Variants in DPP10 observed in about 807,000 individuals in gnomAD.
DPP10 encodes inactive dipeptidyl peptidase 10.
In DPP10, 33 loss-of-function variants were observed where a neutral mutation model predicts 120.9. The observed-to-expected ratio is 0.27, with a 90% CI of 0.21 to 0.37. The LOEUF is 0.37. DPP10 is among the 10% of genes least tolerant of loss of function. The pLI, the probability that DPP10 is intolerant of heterozygous loss-of-function variation, is 1.00. For synonymous variants in DPP10, 337 were observed against 326.1 expected, an observed-to-expected ratio of 1.03 and a Z score of -0.36; for missense variants, 816 against 942.8, an observed-to-expected ratio of 0.87 and a Z score of 1.76.
At position 114,755,518 on chromosome 2, in the gene DPP10, T is replaced by A. The variant is rs1679644715; in HGVS notation, c.60+312680T>A. ...TCTGAACTTCTGTTTTAGGTACTTA[T>A]AATCTAATGGAAGAAAGATGATAAT... is the stretch of plus-strand genomic sequence containing the variant. On this transcript the variant is annotated intron_variant, in intron 1 of 25. Coordinates refer to ENST00000410059, the MANE Select transcript of DPP10 (RefSeq NM_020868.6). Among the ~76,000 whole-genome samples, 3 of 152,228 alleles carry A rather than the reference T, an allele frequency of 2.0e-5. No homozygotes were observed. The South Asian group carries it at 6.2e-4, about 32-fold the overall frequency.
intron 1 of DPP10, among the ~76,000 whole-genome samples, chr2:114,898,285 G>C (rs1365292629): frequency 6.6e-6 from 1 of 151,832 alleles, no homozygotes; most frequent in African/African-American, 2.4e-5. Context: ...ACTCGTAGAT[G>C]GGAATTGAAC....
intron 1 of DPP10, among the ~76,000 whole-genome samples, chr2:114,517,023 A>AT (rs1010496799): frequency 2.3e-4 from 35 of 149,676 alleles, no homozygotes; most frequent in African/African-American, 5.4e-4. Flanking sequence ...CTCTAAATGC[A>AT]TTTTTTTTTT....
At chr2:115,811,911 T>C (rs955873165) in intron 19 of DPP10, among the ~76,000 whole-genome samples, 1 of 152,334 alleles carries the variant, frequency 6.6e-6, no homozygotes, top group African/African-American at 2.4e-5. Flanking sequence ...CATTTTTAAG[T>C]GTAACTCAAA....
chr2:115,681,030 G>T (rs749610688), intron 5 of DPP10, among the ~76,000 whole-genome samples: 24 of 151,790 alleles, frequency 1.6e-4, no homozygotes, highest in Non-Finnish European at 4.4e-5. Context: ...GTTTTTCCTT[G>T]AAATAATTTA....
At chr2:114,474,069 C>G (rs1214873276) in intron 1 of DPP10, among the ~76,000 whole-genome samples, 2 of 152,022 alleles carry the variant, frequency 1.3e-5, no homozygotes, top group Admixed American at 6.6e-5. Flanking sequence ...GCTATTCTCC[C>G]GCCTCAGCCT....
intron 3 of DPP10, among the ~76,000 whole-genome samples, chr2:115,436,412 A>G (rs1377822759): frequency 1.3e-5 from 2 of 151,492 alleles, no homozygotes; most frequent in African/African-American, 4.8e-5. Flanking sequence ...TTTTTTTTTA[A>G]TTATCAGGTA....
chr2:115,534,433 C>T (rs1346401767), intron 5 of DPP10, among the ~76,000 whole-genome samples: 23 of 151,052 alleles, frequency 1.5e-4, no homozygotes, highest in African/African-American at 5.1e-4. Context: ...CTACAAAGGA[C>T]ATGAACTCAT....
At chr2:115,643,445 C>G (rs1174847032) in intron 5 of DPP10, among the ~76,000 whole-genome samples, 1 of 152,038 alleles carries the variant, frequency 6.6e-6, no homozygotes, top group African/African-American at 2.4e-5. Flanking sequence ...AAGGGTCTAC[C>G]TGTATAGACT....
chr2:114,690,415 G>T (rs1699660265), intron 1 of DPP10, among the ~76,000 whole-genome samples: 1 of 151,950 alleles, frequency 6.6e-6, no homozygotes, highest in African/African-American at 2.4e-5. Context: ...TTATTTCTGA[G>T]TTCTTCATTC....
chr2:114,732,930 G>T (rs1235020656), intron 1 of DPP10, among the ~76,000 whole-genome samples: 1 of 152,158 alleles, frequency 6.6e-6, no homozygotes, highest in African/African-American at 2.4e-5. Context: ...GTATGAGTTA[G>T]AGCTGAGATA....
rs572992093 is a variant in DPP10 at position 115,691,212 on chromosome 2, C to T, written c.576+1291C>T. On this transcript the variant is annotated intron_variant, in intron 7 of 25. Transcript: ENST00000410059. Reference sequence around the variant, plus strand: ...AGTTTTCGGATTTACTTCTCACTCTCTTAATGGATCCATTTCTACAAACAT... The same window carrying T: ...AGTTTTCGGATTTACTTCTCACTCTTTTAATGGATCCATTTCTACAAACAT... 2.0e-5 allele frequency among the ~76,000 whole-genome samples: 3 copies of T among 152,062 alleles called. No individual in the cohort carries two copies. In the South Asian group the frequency reaches 6.2e-4, roughly 31 times the overall value.
At chr2:115,505,029 C>A (rs1037203) in intron 4 of DPP10, among the ~76,000 whole-genome samples, 31,712 of 151,872 alleles carry the variant, frequency 0.21, 3,878 homozygotes, top group East Asian at 0.39. Context: ...TTTTTACCCT[C>A]AATTACCATT....
rs374869535 is a variant in DPP10 at position 114,979,534 on chromosome 2, A to T, written c.61-329705A>T. Among the ~76,000 whole-genome samples, 12 of 152,152 alleles carry T rather than the reference A, an allele frequency of 7.9e-5. No homozygotes were observed. In the East Asian group the frequency reaches 2.3e-3, roughly 29 times the overall value. Reference sequence around the variant, plus strand: ...CACTAGTTGAGTGAAGATATTTGATATTTAGTGGGAATTACTAAACAATCT... The same window carrying T: ...CACTAGTTGAGTGAAGATATTTGATTTTTAGTGGGAATTACTAAACAATCT... On this transcript the variant is annotated intron_variant, in intron 1 of 25. Transcript: ENST00000410059.
At chr2:115,123,897 C>A (rs1316393789) in intron 1 of DPP10, among the ~76,000 whole-genome samples, 1 of 151,776 alleles carries the variant, frequency 6.6e-6, no homozygotes, top group Non-Finnish European at 1.5e-5. Flanking sequence ...TTTATTACCG[C>A]ACCCAACAGG....
At chr2:114,583,887 T>G (rs1312657160) in intron 1 of DPP10, among the ~76,000 whole-genome samples, 1 of 152,200 alleles carries the variant, frequency 6.6e-6, no homozygotes, top group African/African-American at 2.4e-5. Flanking sequence ...TATGAATCCT[T>G]GCTTAATATA....
intron 1 of DPP10, among the ~76,000 whole-genome samples, chr2:115,004,536 C>A (rs574406554): frequency 6.6e-6 from 1 of 152,126 alleles, no homozygotes; most frequent in Non-Finnish European, 1.5e-5. Context: ...CAAAGCAGGG[C>A]GAGGCATTGC....
chr2:115,753,085 T>C, intron 10 of DPP10, 89 bp from the exon 11 acceptor site: 3 of 1,237,552 alleles, frequency 2.4e-6, no homozygotes, highest in Non-Finnish European at 3.3e-6. Context: ...GTTCAGTTAT[T>C]CTTATATATA....
intron 1 of DPP10, among the ~76,000 whole-genome samples, chr2:114,923,818 T>C (rs1236470552): frequency 6.6e-6 from 1 of 152,174 alleles, no homozygotes; most frequent in African/African-American, 2.4e-5. Flanking sequence ...ACAATTTGGA[T>C]GCAATACAGT....
At chr2:114,670,282 A>G (rs1300703669) in intron 1 of DPP10, among the ~76,000 whole-genome samples, 1 of 152,210 alleles carries the variant, frequency 6.6e-6, no homozygotes, top group Non-Finnish European at 1.5e-5. Flanking sequence ...AATGTCCCAC[A>G]GTGATAGACA....
Sources: allele counts gnomAD v4.1 joint callset (sites outside exome capture counted in the v4.1 genomes callset), GRCh38; gene constraint gnomAD v4.1.1; transcripts MANE v1.5; gene names NCBI Gene and HGNC (gene_info 2026-07-23, HGNC 2026-07-21).